Variants in LRRC7 observed in about 807,000 individuals in gnomAD.
LRRC7 encodes leucine-rich repeat-containing protein 7.
LRRC7 carries 23 observed loss-of-function variants against 175.7 expected under a neutral mutation model. The ratio of observed to expected loss-of-function variants is 0.13; its 90% CI spans 0.09 to 0.19. LRRC7 has a LOEUF of 0.19. Among genes scored for constraint, LRRC7 ranks in the 10% least tolerant of loss-of-function variants. LRRC7 has a pLI of 1.00. For missense variants in LRRC7, 1,354 were observed against 1,904.7 expected, an observed-to-expected ratio of 0.71 and a Z score of 5.38; for synonymous variants, 685 against 680.9, an observed-to-expected ratio of 1.01 and a Z score of -0.09.
At chr1:70,089,897 T>G in intron 25 of LRRC7, 78 bp downstream of exon 25, 1 of 1,107,772 alleles carries the variant, frequency 9.0e-7, no homozygotes, top group Middle Eastern at 2.2e-4. Context: ...AGAAAAAAAT[T>G]CAAGTGTTTT....
chr1:69,804,314 A>T (rs1676864519), intron 4 of LRRC7, among the ~76,000 whole-genome samples: 1 of 151,400 alleles, frequency 6.6e-6, no homozygotes, highest in African/African-American at 2.4e-5. Context: ...TGTACACTTT[A>T]TTCTCCATTA....
At chr1:69,613,376 C>T (rs1012713292) in intron 1 of LRRC7, among the ~76,000 whole-genome samples, 3 of 152,034 alleles carry the variant, frequency 2.0e-5, no homozygotes, top group South Asian at 2.1e-4. Flanking sequence ...TTCCCAAAGG[C>T]CTCACCTCTA....
Position 70,126,221 on chromosome 1 carries a change from T to A in LRRC7, c.*4334T>A, listed in dbSNP as rs1666450177. ...CTACCACTCAAAGTCTTTGATAAAT[T>A]CGATCAAACAACATATTTGACTAAT... On this transcript the variant is annotated 3_prime_UTR_variant, in exon 27 of 27. Transcript: ENST00000651989. Among the ~76,000 whole-genome samples, 3 of 152,148 alleles carry A rather than the reference T, an allele frequency of 2.0e-5. No homozygotes were observed. Among genetic ancestry groups the A allele is most frequent in the African/African-American group, 7.2e-5 (3 of 41,426 alleles).
chr1:69,650,231 A>C (rs1384187788), intron 1 of LRRC7, among the ~76,000 whole-genome samples: 1 of 152,096 alleles, frequency 6.6e-6, no homozygotes, highest in Non-Finnish European at 1.5e-5. Flanking sequence ...ATATTATTGA[A>C]AAACATTTTC....
At chr1:70,067,432 A>T (rs185208213) in intron 23 of LRRC7, among the ~76,000 whole-genome samples, 18 of 152,184 alleles carry the variant, frequency 1.2e-4, no homozygotes, top group African/African-American at 4.1e-4. Flanking sequence ...AATCATTTGG[A>T]CATATTTTTG....
intron 23 of LRRC7, among the ~76,000 whole-genome samples, chr1:70,073,297 C>T (rs1662526252): frequency 6.6e-6 from 1 of 152,016 alleles, no homozygotes; most frequent in Non-Finnish European, 1.5e-5. Flanking sequence ...AGTTCAAAAT[C>T]AGCATAATCC....
chr1:70,097,618 C>G (rs1344857190), intron 25 of LRRC7, among the ~76,000 whole-genome samples: 1 of 124,162 alleles, frequency 8.1e-6, no homozygotes, highest in Non-Finnish European at 1.7e-5. Context: ...CCCCTCCCCC[C>G]ACCCCACAAC....
At chr1:70,064,053 A>C (rs1487455757) in intron 23 of LRRC7, among the ~76,000 whole-genome samples, 1 of 152,010 alleles carries the variant, frequency 6.6e-6, no homozygotes, top group Non-Finnish European at 1.5e-5. Context: ...ACTCCAAAAA[A>C]TTCAAGGTCA....
intron 7 of LRRC7, among the ~76,000 whole-genome samples, chr1:69,875,308 T>C (rs1164546291): frequency 6.6e-6 from 1 of 152,034 alleles, no homozygotes; most frequent in Non-Finnish European, 1.5e-5. Context: ...TAATTAACCT[T>C]ACTGCAGTAA....
At chr1:69,924,153 T>C (rs1385420685) in intron 7 of LRRC7, among the ~76,000 whole-genome samples, 1 of 152,146 alleles carries the variant, frequency 6.6e-6, no homozygotes, top group African/African-American at 2.4e-5. Flanking sequence ...TTCTGTTCCA[T>C]TGATCTATAT....
chr1:69,678,547 G>A (rs1033295362), intron 2 of LRRC7, 69 bp downstream of exon 2: 4 of 1,066,042 alleles, frequency 3.8e-6, no homozygotes, highest in Non-Finnish European at 5.6e-6. Flanking sequence ...AAAATGAAAT[G>A]AGTGACCTTT....
chr1:70,102,884 T>C (rs1664891725), intron 25 of LRRC7, among the ~76,000 whole-genome samples: 1 of 152,120 alleles, frequency 6.6e-6, no homozygotes, highest in Non-Finnish European at 1.5e-5. Flanking sequence ...TCAAGAGCTA[T>C]GCTCTTGACC....
chr1:70,020,177 G>A (rs1571036664), intron 15 of LRRC7, among the ~76,000 whole-genome samples: 1 of 151,918 alleles, frequency 6.6e-6, no homozygotes, highest in East Asian at 1.9e-4. Flanking sequence ...TGAGTTTTCA[G>A]AATCCCTTGT....
rs1666746279 is a variant in LRRC7, at chr1:70,133,244, A to C, written c.*11357A>C. ...GTGTTTTTTGTTTGTTTGTATTGAG[A>C]CAGTGTCGCTCTGTCGCCCAGGCTG... On this transcript the variant is annotated 3_prime_UTR_variant, in exon 27 of 27. Transcript: ENST00000651989. Among the ~76,000 whole-genome samples the C allele has an allele frequency of 6.6e-6, 1 of 151,816 alleles. No homozygotes were observed. Among genetic ancestry groups the C allele is most frequent in the Non-Finnish European group, 1.5e-5 (1 of 67,974 alleles).
intron 4 of LRRC7, among the ~76,000 whole-genome samples, chr1:69,796,781 C>G (rs371467703): frequency 2.0e-5 from 3 of 150,996 alleles, no homozygotes; most frequent in Non-Finnish European, 4.4e-5. Flanking sequence ...GCAACAAGAG[C>G]GAAACTCCAT....
intron 8 of LRRC7, among the ~76,000 whole-genome samples, chr1:69,972,743 T>C (rs986295243): frequency 5.3e-5 from 8 of 151,888 alleles, no homozygotes; most frequent in African/African-American, 1.7e-4. Context: ...AGAACTACCG[T>C]CTGATCCAGC....
chr1:70,004,016 T>TG (rs1655772742), intron 11 of LRRC7, among the ~76,000 whole-genome samples: 1 of 152,196 alleles, frequency 6.6e-6, no homozygotes, highest in African/African-American at 2.4e-5. Flanking sequence ...CTAATCAACT[T>TG]TCTAAATAGT....
chr1:69,868,432 A>G (rs1464870934), intron 7 of LRRC7, among the ~76,000 whole-genome samples: 4 of 152,154 alleles, frequency 2.6e-5, no homozygotes, highest in African/African-American at 7.2e-5. Flanking sequence ...TATTGATTAA[A>G]CTGAGTCTAA....
intron 25 of LRRC7, among the ~76,000 whole-genome samples, chr1:70,100,031 G>T (rs1350912113): frequency 1.3e-5 from 2 of 152,054 alleles, no homozygotes; most frequent in African/African-American, 4.8e-5. Flanking sequence ...GAAAATTCAA[G>T]AATTTCACTA....
Sources: gnomAD v4.1 joint callset for allele counts (sites outside exome capture counted in the v4.1 genomes callset) on GRCh38, gnomAD v4.1.1 for gene constraint, MANE v1.5 for transcripts, NCBI Gene and HGNC (gene_info 2026-07-23, HGNC 2026-07-21) for gene names.